Variants in USP9Y observed in about 807,000 individuals in gnomAD.
USP9Y encodes ubiquitin carboxyl-terminal hydrolase 9Y.
Under a neutral mutation model 53.1 loss-of-function variants are expected in USP9Y, and 41 were observed. The ratio of observed to expected loss-of-function variants is 0.77; its 90% CI spans 0.60 to 1.00. USP9Y has a LOEUF of 1.00. Among genes scored for constraint, USP9Y ranks in the 50% least tolerant of loss-of-function variants. The pLI is 0.00. For missense variants in USP9Y, 567 were observed against 535.8 expected (o/e 1.06, Z -0.58); for synonymous variants, 220 against 173.7 (o/e 1.27, Z -2.09).
At chrY:12,858,284 G>C in intron 45 of USP9Y, among the ~76,000 whole-genome samples, 1 of 32,345 alleles carries the variant, frequency 3.1e-5, no homozygotes, top group Admixed American at 2.8e-4. Context: ...CAATTGCAGG[G>C]TCCAGAAATT....
intron 27 of USP9Y, among the ~76,000 whole-genome samples, chrY:12,807,390 G>T (rs2053525695): frequency 2.1e-4 from 1 of 4,746 alleles, no homozygotes; most frequent in Non-Finnish European, 4.0e-4. Flanking sequence ...TTGAGACAGA[G>T]TCTCTCTCTG....
intron 1 of USP9Y, among the ~76,000 whole-genome samples, 154 bp from the exon 2 acceptor site, chrY:12,708,480 C>G: frequency 8.9e-5 from 3 of 33,561 alleles, no homozygotes; most frequent in African/African-American, 3.5e-4. Context: ...TAAACCCTTT[C>G]CAAAGAAGTT....
intron 1 of USP9Y, among the ~76,000 whole-genome samples, chrY:12,705,722 T>A: frequency 9.0e-5 from 3 of 33,253 alleles, no homozygotes; most frequent in African/African-American, 3.5e-4. Flanking sequence ...TGTGTGATAT[T>A]AATATAACAA....
rs35460572 is a variant in USP9Y, at chrY:12,856,524, A to G, written c.7221+28A>G. On this transcript the variant is annotated intron_variant, in intron 43 of 45. Coordinates refer to ENST00000338981, the MANE Select transcript of USP9Y (RefSeq NM_004654.4). ...GAGGGTTTTTCTCTTATAAATTTGT[A>G]GAAACCTCTGTCACAAGTAAGGAAA... The G allele has an allele frequency of 2.5e-4, 100 of 394,799 alleles. No homozygotes were observed. The East Asian group carries it at 9.2e-3, about 36-fold the overall frequency.
chrY:12,858,333 C>G (rs2053579693), intron 45 of USP9Y, among the ~76,000 whole-genome samples: 1 of 29,334 alleles, frequency 3.4e-5, no homozygotes, highest in Non-Finnish European at 8.3e-5. Context: ...AAGAATTGGC[C>G]TTTTTTTTTT....
intron 12 of USP9Y, among the ~76,000 whole-genome samples, chrY:12,744,847 G>C (rs909819555): frequency 1.2e-4 from 4 of 33,309 alleles, no homozygotes; most frequent in Admixed American, 8.2e-4. Flanking sequence ...TGGGTGCATG[G>C]GGCTAGGCTT....
chrY:12,793,482 TC>T (rs2053510584), intron 27 of USP9Y, among the ~76,000 whole-genome samples: 1 of 33,565 alleles, frequency 3.0e-5, no homozygotes, highest in Non-Finnish European at 7.4e-5. Flanking sequence ...CATTTTAACC[TC>T]TTTTTTAAGT....
chrY:12,794,152 CTAT>C (rs2053511053), intron 27 of USP9Y, among the ~76,000 whole-genome samples: 3 of 33,606 alleles, frequency 8.9e-5, no homozygotes, highest in African/African-American at 3.5e-4. Flanking sequence ...CTCTCCCACA[CTAT>C]TTTCACTTTT....
At position 12,816,357 on chromosome Y, in the gene USP9Y, A is replaced by G. The variant is rs778407916; in HGVS notation, c.4830+13A>G. 4 of 382,214 alleles carry G rather than the reference A, an allele frequency of 1.0e-5. No homozygotes were observed. In the South Asian group the frequency reaches 1.2e-4, roughly 12 times the overall value. On this transcript the variant is annotated intron_variant, in intron 32 of 45. Transcript: ENST00000338981. ...GCAGGACAGTGAGGTAAATTTTAATACTGTTTTCTTTGAAGAGTCTGATAG... is the reference window on the plus strand; with the variant it reads ...GCAGGACAGTGAGGTAAATTTTAATGCTGTTTTCTTTGAAGAGTCTGATAG...
intron 14 of USP9Y, among the ~76,000 whole-genome samples, chrY:12,760,246 A>G: frequency 2.9e-5 from 1 of 34,218 alleles, no homozygotes; most frequent in Non-Finnish European, 7.3e-5. Flanking sequence ...CTTTGATACT[A>G]ATAGATACTT....
At chrY:12,817,263 GA>G (rs2053537374) in intron 32 of USP9Y, among the ~76,000 whole-genome samples, 1 of 32,528 alleles carries the variant, frequency 3.1e-5, no homozygotes, top group Non-Finnish European at 7.6e-5. Context: ...CATCTGAAAA[GA>G]AAAAAAAATT....
intron 29 of USP9Y, among the ~76,000 whole-genome samples, chrY:12,811,290 C>T: frequency 1.2e-4 from 4 of 33,358 alleles, no homozygotes; most frequent in Admixed American, 8.3e-4. Flanking sequence ...TTACGGAGCA[C>T]GGTTTTTGAA....
chrY:12,790,630 C>G, intron 25 of USP9Y, 98 bp downstream of exon 25: 1 of 232,493 alleles, frequency 4.3e-6, no homozygotes, highest in South Asian at 3.9e-5. Context: ...ATATTGTAGA[C>G]CCAAAACACT....
chrY:12,816,133 C>T lies in USP9Y; in HGVS notation c.4619C>T (p.Ala1540Val). Residue 1540 changes from alanine (A) to valine (V), a missense_variant, in exon 32 of 46, where the codon GCA (alanine) becomes GTA (valine). Ala to Val is a moderately conservative substitution (Grantham distance 64, BLOSUM62 0). Coordinates refer to ENST00000338981, the MANE Select transcript of USP9Y (RefSeq NM_004654.4). ...YMGTAITTCE[A>V]LTEWEYLPPV... ...TCTCTTTTCAACTCAGCTTGTGAAG[C>T]ACTTACTGAGTGGGAATATCTGCCC... 2.5e-6 allele frequency: 1 copy of T among 398,275 alleles called. No individual in the cohort carries two copies. Among genetic ancestry groups the T allele is most frequent in the Non-Finnish European group, 3.5e-6 (1 of 283,265 alleles).
rs769145986 is a variant in USP9Y, at chrY:12,843,107, C to T, written c.6482C>T (p.Thr2161Ile). Residue 2161 changes from threonine to isoleucine, a missense_variant, in exon 39 of 46, where the codon ACA (threonine) becomes ATA (isoleucine). Physicochemically the swap from Thr to Ile is moderately conservative, Grantham distance 89. Coordinates refer to ENST00000338981, the MANE Select transcript of USP9Y (RefSeq NM_004654.4). ...LSLSDHLLRA[T>I]LNLLRREVSE... ...TTGAGTGACCACTTACTAAGAGCCA[C>T]ACTAAATCTCTTGAGAAGGGAAGTT... 1 of 396,061 alleles carries T rather than the reference C, an allele frequency of 2.5e-6. No individual in the cohort carries two copies. The highest frequency in any genetic ancestry group is 3.0e-5 in the South Asian group (1 of 33,683).
chrY:12,719,787 GT>G (rs1256104244), intron 3 of USP9Y, among the ~76,000 whole-genome samples: 23 of 20,572 alleles, frequency 1.1e-3, no homozygotes, highest in Non-Finnish European at 1.4e-3. Context: ...CATTAAATTT[GT>G]TTTTTTTTTT....
intron 33 of USP9Y, among the ~76,000 whole-genome samples, chrY:12,825,548 TTCC>T (rs2053545262): frequency 3.1e-5 from 1 of 32,616 alleles, no homozygotes; most frequent in African/African-American, 1.2e-4. Context: ...AGTTGGTGTG[TTCC>T]CAGGCAGGAG....
At chrY:12,852,874 G>A in intron 42 of USP9Y, among the ~76,000 whole-genome samples, 1 of 33,346 alleles carries the variant, frequency 3.0e-5, no homozygotes, top group Non-Finnish European at 7.4e-5. Context: ...TTGCAGAACA[G>A]CAAATATTGC....
At chrY:12,776,331 C>T in intron 18 of USP9Y, among the ~76,000 whole-genome samples, 1 of 31,640 alleles carries the variant, frequency 3.2e-5, no homozygotes, top group African/African-American at 1.3e-4. Context: ...TTAGTAGAGA[C>T]GGTTTCACCA....
Sources: allele counts gnomAD v4.1 joint callset (sites outside exome capture counted in the v4.1 genomes callset), GRCh38; gene constraint gnomAD v4.1.1; transcripts MANE v1.5; gene names NCBI Gene and HGNC (gene_info 2026-07-23, HGNC 2026-07-21).